PRKCE: variants seen among roughly 807,000 people sequenced by gnomAD.
PRKCE encodes protein kinase C epsilon, also known as protein kinase C epsilon type.
In PRKCE, 16 loss-of-function variants were observed where a neutral mutation model predicts 85.4. That is an observed-to-expected ratio of 0.19 (90% CI 0.13 to 0.28). The LOEUF is 0.28. Ranked by LOEUF, PRKCE falls within the 10% of genes least tolerant of loss-of-function variation. The probability of loss-of-function intolerance (pLI) is 1.00; values close to 1 mark genes in which losing one functional copy is unlikely to be tolerated. For missense variants in PRKCE, 573 were observed against 975.2 expected, an observed-to-expected ratio of 0.59 and a Z score of 5.49; for synonymous variants, 388 against 371.5, an observed-to-expected ratio of 1.04 and a Z score of -0.51.
intron 11 of PRKCE, among the ~76,000 whole-genome samples, chr2:46,093,402 AG>A (rs1209622281): frequency 9.4e-6 from 1 of 106,844 alleles, no homozygotes; most frequent in Non-Finnish European, 2.3e-5. Context: ...ATAAAAAAGC[AG>A]TTTTTTTTTT....
chr2:45,817,046 A>C (rs1689105183), intron 1 of PRKCE, among the ~76,000 whole-genome samples: 1 of 149,708 alleles, frequency 6.7e-6, no homozygotes, highest in Non-Finnish European at 1.5e-5. Context: ...GAAATGACTC[A>C]AATTATATAC....
intron 14 of PRKCE, among the ~76,000 whole-genome samples, chr2:46,182,358 T>G (rs11686522): frequency 6.6e-6 from 1 of 152,076 alleles, no homozygotes; most frequent in Non-Finnish European, 1.5e-5. Context: ...GGGATGGTCT[T>G]TGTTGTTTCC....
intron 1 of PRKCE, among the ~76,000 whole-genome samples, chr2:45,818,889 T>A (rs956393186): frequency 1.3e-5 from 2 of 152,048 alleles, no homozygotes; most frequent in Non-Finnish European, 2.9e-5. Flanking sequence ...ATCCAGGGTG[T>A]TTGCTGAGGG....
Position 45,710,272 on chromosome 2 carries a change from A to AAG in PRKCE, c.348+57824_348+57825insAG, listed in dbSNP as rs1429819701. Among the ~76,000 whole-genome samples the AAG allele has an allele frequency of 5.3e-5, 8 of 152,320 alleles. No homozygotes were observed. The East Asian group carries it at 1.5e-3, about 29-fold the overall frequency. ...GGCCCAGCCTGAGAGATTAAGGAAC[A>AAG]CATCCCCAGTTTTTCAGCAGTAAAG... On this transcript the variant is annotated intron_variant, in intron 1 of 14. Coordinates refer to ENST00000306156, the MANE Select transcript of PRKCE (RefSeq NM_005400.3).
In PRKCE at chr2:45,935,685, TGAGGCAGAAGAATTGCTTGAACCCAG is replaced by T. The variant is rs537526778; in HGVS notation, c.413-40735_413-40710del. On this transcript the variant is annotated intron_variant, in intron 2 of 14. Coordinates refer to ENST00000306156, the MANE Select transcript of PRKCE (RefSeq NM_005400.3). The stretch of plus-strand genomic sequence containing the variant: ...CGGTAATCCCAGCTATTCAGGATGC[TGAGGCAGAAGAATTGCTTGAACCCAG>T]GAGGCAGAGGTTGCAGTGAGCCAAG... Among the ~76,000 whole-genome samples the T allele has an allele frequency of 2.6e-5, 4 of 151,180 alleles. No homozygotes were observed. In the South Asian group the frequency reaches 6.3e-4, roughly 24 times the overall value.
chr2:45,841,317 A>G (rs1691331001), intron 1 of PRKCE, among the ~76,000 whole-genome samples: 1 of 152,228 alleles, frequency 6.6e-6, no homozygotes, highest in African/African-American at 2.4e-5. Flanking sequence ...AAACCTGAAA[A>G]GTAGGAAAGC....
At chr2:45,741,800 G>A (rs1682599635) in intron 1 of PRKCE, among the ~76,000 whole-genome samples, 1 of 152,188 alleles carries the variant, frequency 6.6e-6, no homozygotes, top group South Asian at 2.1e-4. Context: ...GACCAGAGAA[G>A]CTCAACAGGT....
intron 2 of PRKCE, among the ~76,000 whole-genome samples, chr2:45,880,388 C>G (rs1284502505): frequency 1.3e-5 from 2 of 152,042 alleles, no homozygotes; most frequent in African/African-American, 4.8e-5. Flanking sequence ...GATAAATGCC[C>G]ATTAGTAGCA....
chr2:45,939,832 C>T (rs1699751681), intron 2 of PRKCE, among the ~76,000 whole-genome samples: 1 of 152,208 alleles, frequency 6.6e-6, no homozygotes, highest in African/African-American at 2.4e-5. Flanking sequence ...GGATTACAGG[C>T]GTGAGCCACC....
chr2:46,086,215 T>C lies in PRKCE; in HGVS notation c.1445T>C (p.Leu482Pro). ...TTTCTTCTCTCCTTTCAGGACCGCC[T>C]CTTTTTCGTCATGGAATATGTAAAT... Reference protein sequence around the residue: ...LYCCFQTKDRLFFVMEYVNGG... With the variant: ...LYCCFQTKDRPFFVMEYVNGG... The change falls in exon 11 of 15, where the codon CTC becomes CCC. Residue 482 changes from leucine to proline, a missense_variant. By Grantham distance (98) the Leu-to-Pro change is moderately conservative. Transcript: ENST00000306156. The C allele has an allele frequency of 6.3e-7, 1 of 1,599,650 alleles. No homozygotes were observed. Among genetic ancestry groups the C allele is most frequent in the Non-Finnish European group, 8.5e-7 (1 of 1,179,916 alleles).
chr2:45,661,252 G>A (rs936326363), intron 1 of PRKCE, among the ~76,000 whole-genome samples: 1 of 147,320 alleles, frequency 6.8e-6, no homozygotes, highest in Non-Finnish European at 1.5e-5. Context: ...GCATGATATC[G>A]GATCACTGCA....
rs76938840 is a variant in PRKCE, at chr2:45,906,406, C to T, written c.412+63343C>T. ...TCAGCTGCAGAATTGCTGTGAGGTA[C>T]TCTGAAGACTTAAAGTTGTACATTT... is the stretch of plus-strand genomic sequence containing the variant. On this transcript the variant is annotated intron_variant, in intron 2 of 14. Coordinates refer to ENST00000306156, the MANE Select transcript of PRKCE (RefSeq NM_005400.3). Among the ~76,000 whole-genome samples the T allele has an allele frequency of 4.0e-3, 606 of 152,342 alleles. 29 individuals carry two copies. The East Asian group carries it at 0.1, about 26-fold the overall frequency.
intron 2 of PRKCE, among the ~76,000 whole-genome samples, chr2:45,908,357 G>A (rs1318950318): frequency 6.6e-6 from 1 of 152,210 alleles, no homozygotes; most frequent in Non-Finnish European, 1.5e-5. Context: ...AACGGACCAG[G>A]AGCAAGGACC....
In PRKCE at chr2:46,187,144, A is replaced by G. The variant is rs1299406442; in HGVS notation, c.*2263A>G. The stretch of plus-strand genomic sequence containing the variant: ...TGTTCTTTCTTCTGCTTTCTTCACC[A>G]TAATAAACTTTGGACAACCAAGCAA... On this transcript the variant is annotated 3_prime_UTR_variant, in exon 15 of 15. Transcript: ENST00000306156. The G allele has an allele frequency of 6.6e-6, 1 of 152,638 alleles. No homozygotes were observed. Among genetic ancestry groups the G allele is most frequent in the African/African-American group, 2.4e-5 (1 of 41,448 alleles). 9.5% of individuals were successfully genotyped at this position (152,638 alleles called of 1,614,324 possible).
intron 1 of PRKCE, among the ~76,000 whole-genome samples, chr2:45,791,913 T>C (rs1687065595): frequency 6.6e-6 from 1 of 152,212 alleles, no homozygotes; most frequent in African/African-American, 2.4e-5. Flanking sequence ...TTCTTATCCC[T>C]GGAATGAGGA....
chr2:45,874,180 C>A (rs1436550753), intron 2 of PRKCE, among the ~76,000 whole-genome samples: 1 of 152,238 alleles, frequency 6.6e-6, no homozygotes, highest in African/African-American at 2.4e-5. Flanking sequence ...TTACCCCAAA[C>A]TTCCATCTCT....
chr2:46,009,347 G>T (rs1705468442), intron 9 of PRKCE, among the ~76,000 whole-genome samples: 2 of 152,148 alleles, frequency 1.3e-5, no homozygotes, highest in African/African-American at 4.8e-5. Context: ...GTATAAATTT[G>T]TAAGAAATTA....
intron 2 of PRKCE, among the ~76,000 whole-genome samples, chr2:45,880,981 G>A (rs77406756): frequency 0.13 from 19,798 of 151,640 alleles, 1,796 homozygotes; most frequent in East Asian, 0.44. Context: ...GTGAAACCCC[G>A]TCTCTACTAA....
At chr2:45,863,087 T>G (rs1213170351) in intron 2 of PRKCE, among the ~76,000 whole-genome samples, 1 of 152,170 alleles carries the variant, frequency 6.6e-6, no homozygotes, top group Non-Finnish European at 1.5e-5. Context: ...AGAGGGAAGC[T>G]GAACCCACAG....
Sources: gnomAD v4.1 joint callset for allele counts (sites outside exome capture counted in the v4.1 genomes callset) on GRCh38, gnomAD v4.1.1 for gene constraint, MANE v1.5 for transcripts, NCBI Gene and HGNC (gene_info 2026-07-23, HGNC 2026-07-21) for gene names.